GRM8: variants seen among roughly 807,000 people sequenced by gnomAD.
GRM8 encodes the protein glutamate metabotropic receptor 8.
GRM8 carries 47 observed loss-of-function variants against 87.2 expected under a neutral mutation model. The ratio of observed to expected loss-of-function variants is 0.54; its 90% CI spans 0.43 to 0.69. GRM8 has a LOEUF of 0.69. Among genes scored for constraint, GRM8 ranks in the 30% least tolerant of loss-of-function variants. The probability of loss-of-function intolerance (pLI) is 0.00; values close to 1 mark genes in which losing one functional copy is unlikely to be tolerated. For synonymous variants in GRM8, 396 were observed against 404.5 expected (o/e 0.98, Z 0.25); for missense variants, 1,019 against 1,139.2 (o/e 0.89, Z 1.52).
chr7:127,115,761 T>G (rs1434773316), intron 2 of GRM8, among the ~76,000 whole-genome samples: 13 of 152,210 alleles, frequency 8.5e-5, no homozygotes, highest in Admixed American at 8.5e-4. Flanking sequence ...GTGGGGATTT[T>G]TAAGCCTAAC....
chr7:126,676,836 C>G (rs1807007528), intron 7 of GRM8, among the ~76,000 whole-genome samples: 1 of 151,998 alleles, frequency 6.6e-6, no homozygotes, highest in Non-Finnish European at 1.5e-5. Context: ...TGGCTAAGAC[C>G]CCAAAAGCGA....
chr7:126,562,736 A>G (rs1793841146), intron 8 of GRM8, among the ~76,000 whole-genome samples: 1 of 152,148 alleles, frequency 6.6e-6, no homozygotes, highest in South Asian at 2.1e-4. Flanking sequence ...TGCTACTGAA[A>G]CATACAAAAA....
At chr7:127,090,637 T>C (rs1823968894) in intron 3 of GRM8, among the ~76,000 whole-genome samples, 1 of 152,228 alleles carries the variant, frequency 6.6e-6, no homozygotes, top group Non-Finnish European at 1.5e-5. Context: ...CTTAAGCTAC[T>C]GCTTCTGTTT....
chr7:126,466,829 C>A (rs1353055325), intron 9 of GRM8, among the ~76,000 whole-genome samples: 1 of 151,896 alleles, frequency 6.6e-6, no homozygotes. Context: ...AAATGCTAAT[C>A]TCTTCTGGAA....
intron 3 of GRM8, among the ~76,000 whole-genome samples, chr7:127,065,609 G>A (rs1407755643): frequency 6.6e-6 from 1 of 152,126 alleles, no homozygotes; most frequent in East Asian, 1.9e-4. Flanking sequence ...GAAGAGTGTT[G>A]GGCTACTGAC....
intron 8 of GRM8, among the ~76,000 whole-genome samples, chr7:126,542,604 T>C (rs1250159643): frequency 6.6e-6 from 1 of 152,172 alleles, no homozygotes; most frequent in Non-Finnish European, 1.5e-5. Flanking sequence ...CTGTAATCAC[T>C]GTAAGCAATA....
intron 9 of GRM8, among the ~76,000 whole-genome samples, chr7:126,474,478 A>C (rs912483786): frequency 1.3e-5 from 2 of 152,148 alleles, no homozygotes; most frequent in Admixed American, 6.5e-5. Flanking sequence ...CATGTTGCCC[A>C]GGCTGGTCTT....
intron 3 of GRM8, among the ~76,000 whole-genome samples, chr7:127,059,331 C>CTTTTTTTTTTTTTTTTTTTTTTT (rs10618329): frequency 1.5e-5 from 2 of 130,592 alleles, no homozygotes; most frequent in South Asian, 2.4e-4. Context: ...TTTTTTTTTG[C>CTTTTTTTTTTTTTTTTTTTTTTT]TTTTTTTTTT....
chr7:126,826,202 G>A (rs1032920494), intron 6 of GRM8, among the ~76,000 whole-genome samples: 2 of 152,068 alleles, frequency 1.3e-5, no homozygotes, highest in African/African-American at 4.8e-5. Context: ...TGTCTTTATA[G>A]TAGCATGATT....
rs149180595 is a variant in GRM8, at chr7:127,179,965, C to T, written c.510+62730G>A. 9.2e-3 allele frequency among the ~76,000 whole-genome samples: 1,400 copies of T among 151,944 alleles called. 13 individuals are homozygous for T. The highest frequency in any genetic ancestry group is 0.015 in the Non-Finnish European group (1,025 of 67,886). ...GCAAGAGAAACAAGCGCAAACCAAA[C>T]CCAAACCCAGCAGAAGAAAGGAAGT... On this transcript the variant is annotated intron_variant, in intron 2 of 10. Transcript: ENST00000339582.
intron 6 of GRM8, among the ~76,000 whole-genome samples, chr7:126,820,507 A>T (rs1794198897): frequency 6.6e-6 from 1 of 152,162 alleles, no homozygotes; most frequent in Non-Finnish European, 1.5e-5. Context: ...TTCCTTAATC[A>T]ATTATTTTTC....
At chr7:126,723,995 C>G (rs1028576210) in intron 7 of GRM8, among the ~76,000 whole-genome samples, 1 of 151,936 alleles carries the variant, frequency 6.6e-6, no homozygotes, top group Non-Finnish European at 1.5e-5. Flanking sequence ...CCTTCAAAAC[C>G]TAACAACATT....
At chr7:126,652,783 T>C (rs1804056963) in intron 7 of GRM8, among the ~76,000 whole-genome samples, 1 of 152,184 alleles carries the variant, frequency 6.6e-6, no homozygotes, top group Non-Finnish European at 1.5e-5. Flanking sequence ...TAAACTCCCC[T>C]TTATATATGT....
At chr7:127,078,641 G>A (rs564567906) in intron 3 of GRM8, among the ~76,000 whole-genome samples, 21 of 152,298 alleles carry the variant, frequency 1.4e-4, no homozygotes, top group African/African-American at 4.3e-4. Flanking sequence ...ACCCATTGTC[G>A]ACAGAGGATA....
chr7:126,541,663 G>T (rs1181307957), intron 8 of GRM8, among the ~76,000 whole-genome samples: 2 of 152,204 alleles, frequency 1.3e-5, no homozygotes, highest in African/African-American at 4.8e-5. Flanking sequence ...AGGAATCTGA[G>T]GAATGGCAAT....
intron 9 of GRM8, among the ~76,000 whole-genome samples, chr7:126,510,790 G>A (rs976669282): frequency 1.3e-5 from 2 of 152,198 alleles, no homozygotes; most frequent in East Asian, 1.9e-4. Flanking sequence ...CTCTCTCAGT[G>A]CTGACACTGT....
chr7:126,608,307 G>A (rs1292277179), intron 8 of GRM8, among the ~76,000 whole-genome samples: 1 of 152,092 alleles, frequency 6.6e-6, no homozygotes, highest in Non-Finnish European at 1.5e-5. Flanking sequence ...CTCTGAGGGA[G>A]TGCCCACCAG....
intron 6 of GRM8, among the ~76,000 whole-genome samples, chr7:126,848,613 A>G (rs1198341758): frequency 2.1e-4 from 32 of 152,044 alleles, no homozygotes; most frequent in Non-Finnish European, 7.4e-5. Flanking sequence ...TTGTGGCCAG[A>G]AATTCGAGAC....
chr7:126,998,902 A>C (rs558708901), intron 3 of GRM8, among the ~76,000 whole-genome samples: 1 of 151,894 alleles, frequency 6.6e-6, no homozygotes, highest in Non-Finnish European at 1.5e-5. Context: ...AAGTAGAAAA[A>C]GTAATCCTAT....
Sources: allele counts gnomAD v4.1 joint callset (sites outside exome capture counted in the v4.1 genomes callset), GRCh38; gene constraint gnomAD v4.1.1; transcripts MANE v1.5; gene names NCBI Gene and HGNC (gene_info 2026-07-23, HGNC 2026-07-21).